The following DPP10 variants were observed in gnomAD, a reference collection of about 807,000 sequenced individuals.
The protein encoded by DPP10 is dipeptidyl peptidase like 10, also known as inactive dipeptidyl peptidase 10.
In DPP10, 33 loss-of-function variants were observed where a neutral mutation model predicts 120.9. The ratio of observed to expected loss-of-function variants is 0.27; its 90% CI spans 0.21 to 0.37. The LOEUF (loss-of-function observed/expected upper bound fraction) is 0.37, where lower values mean the gene tolerates loss of function less well. Among genes scored for constraint, DPP10 ranks in the 10% least tolerant of loss-of-function variants. DPP10 has a pLI of 1.00. For synonymous variants in DPP10, 337 were observed against 326.1 expected (o/e 1.03, Z -0.36); for missense variants, 816 against 942.8 (o/e 0.87, Z 1.76).
rs561670507 is a variant in DPP10 at position 115,382,102 on chromosome 2, G to A, written c.271+38190G>A. ...CCACCCAGTTCAGTTGGAGCTTCCC[G>A]GCTGCTTTGTTTACCTAAGCAAGCC... On this transcript the variant is annotated intron_variant, in intron 3 of 25. Transcript: ENST00000410059. Among the ~76,000 whole-genome samples, 812 of 152,088 alleles carry A rather than the reference G, an allele frequency of 5.3e-3. 8 individuals are homozygous for A. Among genetic ancestry groups the A allele is most frequent in the African/African-American group, 0.018 (764 of 41,492 alleles).
intron 1 of DPP10, among the ~76,000 whole-genome samples, chr2:115,222,927 C>T (rs566134335): frequency 2.6e-5 from 4 of 151,538 alleles, no homozygotes; most frequent in South Asian, 4.2e-4. Context: ...AGTAGCATAC[C>T]GAAAGAACAA....
At chr2:115,227,566 T>C (rs1044564167) in intron 1 of DPP10, among the ~76,000 whole-genome samples, 1 of 152,200 alleles carries the variant, frequency 6.6e-6, no homozygotes, top group Non-Finnish European at 1.5e-5. Context: ...TGCCCCACTT[T>C]AGTCACCTTT....
intron 1 of DPP10, among the ~76,000 whole-genome samples, chr2:115,098,982 C>T (rs1473254834): frequency 6.6e-6 from 1 of 151,932 alleles, no homozygotes; most frequent in African/African-American, 2.4e-5. Context: ...CAAAGAGATG[C>T]CTCAAGAATC....
chr2:115,099,055 C>T lies in DPP10; in HGVS notation c.61-210184C>T, dbSNP rs571082649. Among the ~76,000 whole-genome samples, 211 of 148,456 alleles carry T rather than the reference C, an allele frequency of 1.4e-3. 2 individuals are homozygous for T. Among genetic ancestry groups the T allele is most frequent in the African/African-American group, 4.9e-3 (199 of 40,336 alleles). Reference sequence around the variant, plus strand: ...ATCCTAGCACTTTGGGAGGCCAAGGCGGGCGGATCACTTGAGGTCAGGAGT... The same window carrying T: ...ATCCTAGCACTTTGGGAGGCCAAGGTGGGCGGATCACTTGAGGTCAGGAGT... On this transcript the variant is annotated intron_variant, in intron 1 of 25. Transcript: ENST00000410059.
chr2:114,587,215 C>T (rs979431036), intron 1 of DPP10, among the ~76,000 whole-genome samples: 22 of 150,394 alleles, frequency 1.5e-4, no homozygotes, highest in Non-Finnish European at 2.2e-4. Context: ...GCAGGAAAAT[C>T]GCTTGAACCC....
intron 2 of DPP10, among the ~76,000 whole-genome samples, chr2:115,316,842 T>C (rs1213511664): frequency 3.9e-5 from 6 of 152,166 alleles, no homozygotes; most frequent in Admixed American, 3.9e-4. Flanking sequence ...GTTTGGTGGC[T>C]CATGCCTGTA....
chr2:114,880,612 G>A (rs1691522470), intron 1 of DPP10, among the ~76,000 whole-genome samples: 1 of 152,128 alleles, frequency 6.6e-6, no homozygotes, highest in South Asian at 2.1e-4. Context: ...ATTTTAAGTG[G>A]TGTGGTCAAT....
intron 1 of DPP10, among the ~76,000 whole-genome samples, chr2:114,968,970 C>A (rs1367805443): frequency 6.6e-6 from 1 of 152,214 alleles, no homozygotes; most frequent in Non-Finnish European, 1.5e-5. Context: ...ACATTCTAGA[C>A]TGAGCCAACC....
chr2:114,642,352 C>T (rs534979438), intron 1 of DPP10, among the ~76,000 whole-genome samples: 1 of 152,026 alleles, frequency 6.6e-6, no homozygotes, highest in Non-Finnish European at 1.5e-5. Flanking sequence ...CTCAGATAAA[C>T]ATTTTGAAAC....
chr2:115,708,055 G>A (rs1337454005), intron 7 of DPP10, among the ~76,000 whole-genome samples: 1 of 151,962 alleles, frequency 6.6e-6, no homozygotes, highest in Non-Finnish European at 1.5e-5. Context: ...CAGCAGCAAT[G>A]ATCACATACA....
At chr2:115,732,702 A>G (rs2092939782) in intron 8 of DPP10, among the ~76,000 whole-genome samples, 1 of 152,178 alleles carries the variant, frequency 6.6e-6, no homozygotes. Flanking sequence ...AATCTATTAA[A>G]TAGGAAAAAA....
At chr2:115,234,670 T>C (rs1284739379) in intron 1 of DPP10, 3 of 152,204 alleles carry the variant, frequency 2.0e-5, no homozygotes, top group Non-Finnish European at 4.4e-5. Flanking sequence ...TTACATTTCC[T>C]AAACCAGTTT....
intron 1 of DPP10, among the ~76,000 whole-genome samples, chr2:114,960,455 C>A (rs1698530042): frequency 6.6e-6 from 1 of 151,056 alleles, no homozygotes; most frequent in Non-Finnish European, 1.5e-5. Context: ...AATTGGGATA[C>A]TATTTGCAAA....
At chr2:114,924,402 C>T (rs540418369) in intron 1 of DPP10, among the ~76,000 whole-genome samples, 3 of 152,072 alleles carry the variant, frequency 2.0e-5, no homozygotes, top group East Asian at 1.9e-4. Context: ...TGGTGTGTGC[C>T]GTTAATCCCA....
At chr2:114,476,485 T>C (rs1223113869) in intron 1 of DPP10, among the ~76,000 whole-genome samples, 1 of 152,216 alleles carries the variant, frequency 6.6e-6, no homozygotes, top group East Asian at 1.9e-4. Context: ...TGGACACCAA[T>C]GAAGCTGTTC....
chr2:115,424,561 A>G (rs1163649383), intron 3 of DPP10, among the ~76,000 whole-genome samples: 2 of 152,024 alleles, frequency 1.3e-5, no homozygotes, highest in Non-Finnish European at 1.5e-5. Context: ...GTTGAATCCA[A>G]TTATTGCTTT....
intron 3 of DPP10, among the ~76,000 whole-genome samples, chr2:115,373,332 G>C (rs1268622572): frequency 6.6e-6 from 1 of 152,178 alleles, no homozygotes; most frequent in East Asian, 1.9e-4. Flanking sequence ...ATCATTCCTT[G>C]TACAGTGCCT....
chr2:115,124,087 C>A (rs2049956430), intron 1 of DPP10, among the ~76,000 whole-genome samples: 1 of 151,898 alleles, frequency 6.6e-6, no homozygotes, highest in Admixed American at 6.6e-5. Flanking sequence ...GGACTACAAG[C>A]ATACCACCAC....
chr2:114,784,013 C>T (rs1558737819), intron 1 of DPP10, among the ~76,000 whole-genome samples: 1 of 152,016 alleles, frequency 6.6e-6, no homozygotes, highest in African/African-American at 2.4e-5. Flanking sequence ...GCCAGAAAAA[C>T]CTGACCTGCG....
Sources: allele counts gnomAD v4.1 joint callset (sites outside exome capture counted in the v4.1 genomes callset), GRCh38; gene constraint gnomAD v4.1.1; transcripts MANE v1.5; gene names NCBI Gene and HGNC (gene_info 2026-07-23, HGNC 2026-07-21).